The following IL36G variants were observed in gnomAD, a reference collection of about 807,000 sequenced individuals.
IL36G encodes interleukin 36 gamma.
IL36G carries 10 observed loss-of-function variants against 13.5 expected under a neutral mutation model. The observed-to-expected ratio is 0.74, with a 90% CI of 0.46 to 1.26. IL36G has a LOEUF of 1.26. Among genes scored for constraint, IL36G ranks in the 50% most tolerant of loss-of-function variants. The probability of loss-of-function intolerance (pLI) is 0.00; values close to 1 mark genes in which losing one functional copy is unlikely to be tolerated. For missense variants in IL36G, 199 were observed against 203.0 expected (o/e 0.98, Z 0.12); for synonymous variants, 84 against 74.0 (o/e 1.13, Z -0.69).
At chr2:112,981,271 C>A (rs1684256535) in intron 4 of IL36G, 5 of 1,378,860 alleles carry the variant, frequency 3.6e-6, no homozygotes, top group Non-Finnish European at 5.1e-6. Context: ...TTCCCTTTTT[C>A]CCTTTGGGTA....
intron 4 of IL36G, among the ~76,000 whole-genome samples, chr2:112,981,787 CT>C (rs1684266180): frequency 2.0e-5 from 3 of 152,328 alleles, no homozygotes; most frequent in Admixed American, 2.0e-4. Context: ...AGTGTTGTCC[CT>C]TCTGGAAATC....
At position 112,978,705 on chromosome 2, in the gene IL36G, G is replaced by A; in HGVS notation, c.55+12G>A. The stretch of plus-strand genomic sequence containing the variant: ...CGTCTATCAATCAAGTGAATCAAAT[G>A]CTGTTGGGATGGGGCTCTGGAGGCT... On this transcript the variant is annotated intron_variant, in intron 2 of 4. Coordinates refer to ENST00000259205, the MANE Select transcript of IL36G (RefSeq NM_019618.4). 6.2e-7 allele frequency: 1 copy of A among 1,613,828 alleles called. No individual in the cohort carries two copies. The highest frequency in any genetic ancestry group is 1.3e-5 in the African/African-American group (1 of 75,060).
intron 4 of IL36G, among the ~76,000 whole-genome samples, chr2:112,983,309 G>A (rs1214220358): frequency 6.6e-6 from 1 of 152,082 alleles, no homozygotes; most frequent in Admixed American, 6.5e-5. Context: ...AGAATGCTGG[G>A]GGCTTTCCTC....
rs1223350500 is a variant in IL36G at position 112,984,954 on chromosome 2, T to A, written c.415T>A (p.Phe139Ile). ...TLESVAFPDW[F>I]IASSKRDQPI... is the part of the protein sequence containing the mutation. Reference sequence around the variant, plus strand: ...TGAGTCTGTGGCCTTCCCGGACTGGTTCATTGCCTCCTCCAAGAGAGACCA... The same window carrying A: ...TGAGTCTGTGGCCTTCCCGGACTGGATCATTGCCTCCTCCAAGAGAGACCA... The change falls in exon 5 of 5, where the codon TTC (phenylalanine) becomes ATC (isoleucine). Residue 139 changes from phenylalanine to isoleucine, a missense_variant. Coordinates refer to ENST00000259205, the MANE Select transcript of IL36G (RefSeq NM_019618.4). The A allele has an allele frequency of 6.2e-7, 1 of 1,613,954 alleles. No individual in the cohort carries two copies. Among genetic ancestry groups the A allele is most frequent in the East Asian group, 2.2e-5 (1 of 44,886 alleles).
chr2:112,985,244 C>T lies in IL36G; in HGVS notation c.*195C>T. The T allele has an allele frequency of 1.8e-6, 1 of 570,968 alleles. No homozygotes were observed. Among genetic ancestry groups the T allele is most frequent in the Non-Finnish European group, 3.1e-6 (1 of 320,540 alleles). The allele number at this position is 570,968 out of a possible 1,614,324, so 35.4% of individuals were successfully genotyped here. A position where few individuals can be genotyped will look rare whatever the true frequency, so the allele number is the denominator to read the frequency against. On this transcript the variant is annotated 3_prime_UTR_variant, in exon 5 of 5. Transcript: ENST00000259205. ...GAAGAACAGGATGTGGCCTCAGAAG[C>T]AGGAGAGCTGGGTGGTATAAGGCTG...
Position 112,980,137 on chromosome 2 carries a change from T to C in IL36G, c.289T>C (p.Leu97=), listed in dbSNP as rs1440860229. The change falls in exon 4 of 5, where the codon TTG becomes CTG. Residue 97 remains leucine (L), a synonymous_variant. Transcript: ENST00000259205. ...TGAGAAGGTTGGAGAACAGCCCACA[T>C]TGCAGCTAAAAGTGAGTAGCTAAGA... ...YCEKVGEQPT[L]QLKEQKIMDL... The C allele has an allele frequency of 3.1e-6, 5 of 1,613,712 alleles. No homozygotes were observed. Among genetic ancestry groups the C allele is most frequent in the South Asian group, 1.1e-5 (1 of 90,914 alleles).
intron 4 of IL36G, among the ~76,000 whole-genome samples, chr2:112,980,437 T>C (rs1213324870): frequency 6.6e-6 from 1 of 152,174 alleles, no homozygotes; most frequent in Non-Finnish European, 1.5e-5. Flanking sequence ...AGACAATTGT[T>C]AAGAGTATGC....
chr2:112,985,084 T>A lies in IL36G; in HGVS notation c.*35T>A. 1.3e-6 allele frequency: 2 copies of A among 1,497,714 alleles called. No individual in the cohort carries two copies. Among genetic ancestry groups the A allele is most frequent in the Non-Finnish European group, 1.8e-6 (2 of 1,082,976 alleles). 92.8% of individuals were successfully genotyped at this position (1,497,714 alleles called of 1,614,324 possible). A position where few individuals can be genotyped will look rare whatever the true frequency, so the allele number is the denominator to read the frequency against. ...AGAGGTGGCAGCTTGGTCTTTGTCT[T>A]AAAGTTTCTGGTTCCCAATGTGTTT... On this transcript the variant is annotated 3_prime_UTR_variant, in exon 5 of 5. Transcript: ENST00000259205.
In IL36G at chr2:112,980,013, T is replaced by C; in HGVS notation, c.165T>C (p.Thr55=). Residue 55 remains threonine (T), a synonymous_variant, in exon 4 of 5, where the codon ACT becomes ACC. Coordinates refer to ENST00000259205, the MANE Select transcript of IL36G (RefSeq NM_019618.4). ...VPRSDSVTPV[T]VAVITCKYPE... is the part of the protein sequence containing the mutation. ...TCTCTCCTCTTATCTTTACAGTCAC[T>C]GTTGCTGTTATCACATGCAAGTATC... The C allele has an allele frequency of 6.2e-7, 1 of 1,612,884 alleles. No individual in the cohort carries two copies. The highest frequency in any genetic ancestry group is 2.2e-5 in the East Asian group (1 of 44,878).
At position 112,980,932 on chromosome 2, in the gene IL36G, C is replaced by G. The variant is rs187853667; in HGVS notation, c.300+784C>G. On this transcript the variant is annotated intron_variant, in intron 4 of 4. Coordinates refer to ENST00000259205, the MANE Select transcript of IL36G (RefSeq NM_019618.4). ...TCCTGGGAGCCAAGAGGAACTCTCT[C>G]AAAACTAGAAGGGAAAGGTGTTTTC... Among the ~76,000 whole-genome samples, 499 of 152,346 alleles carry G rather than the reference C, an allele frequency of 3.3e-3. 3 individuals carry two copies. The highest frequency in any genetic ancestry group is 5.6e-3 in the Non-Finnish European group (383 of 68,034).
At chr2:112,983,702 G>C (rs1035335435) in intron 4 of IL36G, among the ~76,000 whole-genome samples, 1 of 152,166 alleles carries the variant, frequency 6.6e-6, no homozygotes, top group Non-Finnish European at 1.5e-5. Flanking sequence ...GTAGGCAGGA[G>C]CTGGGTGGCG....
chr2:112,980,553 T>G (rs1258806939), intron 4 of IL36G, among the ~76,000 whole-genome samples: 1 of 152,048 alleles, frequency 6.6e-6, no homozygotes, highest in East Asian at 1.9e-4. Flanking sequence ...GAGTTTAGAG[T>G]GAGAGTTGAC....
At chr2:112,983,058 G>A (rs953516060) in intron 4 of IL36G, among the ~76,000 whole-genome samples, 1 of 152,178 alleles carries the variant, frequency 6.6e-6, no homozygotes, top group African/African-American at 2.4e-5. Flanking sequence ...AACGGCTAGA[G>A]GGATGTCCTT....
intron 2 of IL36G, among the ~76,000 whole-genome samples, chr2:112,978,900 G>A (rs1324476310): frequency 6.6e-6 from 1 of 152,204 alleles, no homozygotes; most frequent in Admixed American, 6.5e-5. Context: ...CAGCACCGGG[G>A]CCAAGCACAG....
chr2:112,978,394 A>G (rs572471279), intron 1 of IL36G, among the ~76,000 whole-genome samples: 8 of 152,178 alleles, frequency 5.3e-5, no homozygotes, highest in Non-Finnish European at 1.2e-4. Context: ...GGGAGACACT[A>G]CCATACTATC....
intron 4 of IL36G, among the ~76,000 whole-genome samples, chr2:112,981,989 G>A (rs967805851): frequency 1.3e-5 from 2 of 152,184 alleles, no homozygotes; most frequent in East Asian, 1.9e-4. Context: ...CTAGCACTGC[G>A]TAGATGCTTG....
At position 112,984,998 on chromosome 2, in the gene IL36G, A is replaced by G. The variant is rs1684327941; in HGVS notation, c.459A>G (p.Ser153=). ...GAGACCAGCCCATCATTCTGACTTCAGAACTTGGGAAGTCATACAACACTG... is the reference window on the plus strand; with the variant it reads ...GAGACCAGCCCATCATTCTGACTTCGGAACTTGGGAAGTCATACAACACTG... ...SKRDQPIILT[S]ELGKSYNTAF... is the part of the protein sequence containing the mutation. Residue 153 remains serine (S), a synonymous_variant, in exon 5 of 5, where the codon TCA becomes TCG. Transcript: ENST00000259205. 1 of 1,614,096 alleles carries G rather than the reference A, an allele frequency of 6.2e-7. No individual in the cohort carries two copies. The highest frequency in any genetic ancestry group is 1.3e-5 in the African/African-American group (1 of 75,036).
Position 112,984,961 on chromosome 2 carries a change from C to T in IL36G, c.422C>T (p.Ala141Val). Residue 141 changes from alanine (A) to valine (V), a missense_variant, in exon 5 of 5, where the codon GCC (alanine) becomes GTC (valine). Physicochemically the swap from Ala to Val is moderately conservative, Grantham distance 64 (BLOSUM62 0). Coordinates refer to ENST00000259205, the MANE Select transcript of IL36G (RefSeq NM_019618.4). ...ESVAFPDWFI[A>V]SSKRDQPIIL... is the part of the protein sequence containing the mutation. ...GTGGCCTTCCCGGACTGGTTCATTG[C>T]CTCCTCCAAGAGAGACCAGCCCATC... 6.2e-7 allele frequency: 1 copy of T among 1,614,000 alleles called. No homozygotes were observed. The highest frequency in any genetic ancestry group is 1.1e-5 in the South Asian group (1 of 91,074).
At chr2:112,981,070 A>G in intron 4 of IL36G, 1 of 721,386 alleles carries the variant, frequency 1.4e-6, no homozygotes, top group Admixed American at 2.0e-5. Flanking sequence ...GAAAAGTAAA[A>G]CAAAATTCTG....
Sources: allele counts gnomAD v4.1 joint callset (sites outside exome capture counted in the v4.1 genomes callset), GRCh38; gene constraint gnomAD v4.1.1; transcripts MANE v1.5; gene names NCBI Gene and HGNC (gene_info 2026-07-23, HGNC 2026-07-21).